The following ESRRG variants were observed in gnomAD, a reference collection of about 807,000 sequenced individuals.
ESRRG encodes estrogen-related receptor gamma.
Under a neutral mutation model 44.0 loss-of-function variants are expected in ESRRG, and 13 were observed. The ratio of observed to expected loss-of-function variants is 0.30; its 90% CI spans 0.19 to 0.47. The LOEUF (loss-of-function observed/expected upper bound fraction) is 0.47, where lower values mean the gene tolerates loss of function less well. Among genes scored for constraint, ESRRG ranks in the 20% least tolerant of loss-of-function variants. ESRRG has a pLI of 1.00. For synonymous variants in ESRRG, 215 were observed against 214.6 expected (o/e 1.00, Z -0.02); for missense variants, 395 against 580.6 (o/e 0.68, Z 3.29).
At chr1:216,924,399 A>G (rs906600246) in intron 2 of ESRRG, among the ~76,000 whole-genome samples, 3 of 152,280 alleles carry the variant, frequency 2.0e-5, no homozygotes, top group South Asian at 2.1e-4. Context: ...TGACAAGCAC[A>G]TCAGGCTGCC....
At chr1:217,135,061 G>T (rs1385171639) in intron 1 of ESRRG, among the ~76,000 whole-genome samples, 3 of 152,188 alleles carry the variant, frequency 2.0e-5, no homozygotes, top group Admixed American at 1.3e-4. Context: ...GATTAAGAGA[G>T]ATCTGTCCCC....
intron 5 of ESRRG, among the ~76,000 whole-genome samples, chr1:216,538,189 T>G (rs578162207): frequency 6.6e-6 from 1 of 152,208 alleles, no homozygotes; most frequent in Non-Finnish European, 1.5e-5. Flanking sequence ...TCTTCTATGA[T>G]ATCAAAATGT....
At chr1:216,658,746 T>A (rs1006666982) in intron 2 of ESRRG, among the ~76,000 whole-genome samples, 6 of 150,850 alleles carry the variant, frequency 4.0e-5, no homozygotes, top group Admixed American at 1.3e-4. Context: ...GGCAGGAGAA[T>A]CACTTGAACC....
At chr1:217,121,525 A>T (rs911565370) in intron 1 of ESRRG, among the ~76,000 whole-genome samples, 1 of 152,176 alleles carries the variant, frequency 6.6e-6, no homozygotes, top group African/African-American at 2.4e-5. Context: ...ATGAGGCATG[A>T]ACTGAGATAA....
intron 1 of ESRRG, among the ~76,000 whole-genome samples, chr1:217,117,467 C>A (rs937870651): frequency 6.6e-6 from 1 of 151,970 alleles, no homozygotes; most frequent in Admixed American, 6.6e-5. Flanking sequence ...TGCCTGTAGT[C>A]CCAGGTACTC....
intron 1 of ESRRG, among the ~76,000 whole-genome samples, chr1:216,703,521 A>G (rs985914844): frequency 6.6e-6 from 1 of 152,184 alleles, no homozygotes; most frequent in African/African-American, 2.4e-5. Flanking sequence ...GATTTTCAGG[A>G]AAAGGTAATT....
chr1:216,718,870 C>T (rs1042354748), intron 1 of ESRRG, among the ~76,000 whole-genome samples: 1 of 151,974 alleles, frequency 6.6e-6, no homozygotes, highest in African/African-American at 2.4e-5. Flanking sequence ...ACTGAGATCC[C>T]TCAGATCCTC....
chr1:216,554,670 G>C (rs1324117316), intron 5 of ESRRG, among the ~76,000 whole-genome samples: 2 of 152,008 alleles, frequency 1.3e-5, no homozygotes, highest in African/African-American at 2.4e-5. Context: ...CCATTAATAT[G>C]GATAGTTGGG....
chr1:216,576,929 A>T (rs1163127444), intron 3 of ESRRG, among the ~76,000 whole-genome samples: 1 of 152,024 alleles, frequency 6.6e-6, no homozygotes, highest in Non-Finnish European at 1.5e-5. Flanking sequence ...TGAGCCTTAC[A>T]ATACCCAATA....
intron 5 of ESRRG, among the ~76,000 whole-genome samples, chr1:216,551,757 T>C (rs1572817263): frequency 6.6e-6 from 1 of 152,306 alleles, no homozygotes; most frequent in South Asian, 2.1e-4. Context: ...TTCTATTTTG[T>C]GCAGAGAGAT....
rs552606389 is a variant in ESRRG at position 217,003,869 on chromosome 1, T to C, written c.-105-64196A>G. On this transcript the variant is annotated intron_variant, in intron 1 of 7. Coordinates refer to the ESRRG transcript ENST00000359162. Reference sequence around the variant, plus strand: ...GATGACATATGGGTACATACATGGATGGACCAAAAAAATAAAAAAAAAAGA... The same window carrying C: ...GATGACATATGGGTACATACATGGACGGACCAAAAAAATAAAAAAAAAAGA... 1.8e-4 allele frequency among the ~76,000 whole-genome samples: 27 copies of C among 151,562 alleles called. No homozygotes were observed. The South Asian group carries it at 5.6e-3, about 32-fold the overall frequency.
At chr1:216,591,173 C>A (rs1410032764) in intron 3 of ESRRG, among the ~76,000 whole-genome samples, 2 of 152,148 alleles carry the variant, frequency 1.3e-5, no homozygotes, top group Non-Finnish European at 2.9e-5. Context: ...GAACTTTCAG[C>A]CACACTCCCA....
intron 1 of ESRRG, among the ~76,000 whole-genome samples, chr1:217,002,861 CT>C (rs918683865): frequency 6.6e-6 from 1 of 152,142 alleles, no homozygotes; most frequent in Non-Finnish European, 1.5e-5. Flanking sequence ...CTGCAACCCC[CT>C]GGTGACATGC....
intron 3 of ESRRG, among the ~76,000 whole-genome samples, chr1:216,584,585 A>G (rs1357682414): frequency 6.6e-6 from 1 of 152,154 alleles, no homozygotes; most frequent in Non-Finnish European, 1.5e-5. Context: ...ATGGGAAAAA[A>G]CATAATACAT....
chr1:216,594,273 G>A (rs138529427), intron 3 of ESRRG, among the ~76,000 whole-genome samples: 2 of 152,050 alleles, frequency 1.3e-5, no homozygotes, highest in South Asian at 2.1e-4. Context: ...AAACATGTTC[G>A]TTATTGTTAG....
chr1:216,881,367 G>A (rs2096444409), intron 2 of ESRRG, among the ~76,000 whole-genome samples: 1 of 152,064 alleles, frequency 6.6e-6, no homozygotes, highest in South Asian at 2.1e-4. Context: ...CAATAACAAT[G>A]GAAAGTCATT....
At chr1:216,643,249 T>C (rs539843568) in intron 3 of ESRRG, among the ~76,000 whole-genome samples, 2 of 152,206 alleles carry the variant, frequency 1.3e-5, no homozygotes, top group Non-Finnish European at 2.9e-5. Flanking sequence ...TGTGTGTATA[T>C]GTAGACATGC....
At chr1:217,104,046 C>T (rs1301308266) in intron 1 of ESRRG, among the ~76,000 whole-genome samples, 1 of 152,284 alleles carries the variant, frequency 6.6e-6, no homozygotes, top group East Asian at 1.9e-4. Flanking sequence ...CATAAAGATA[C>T]GTAACTATTC....
At chr1:217,008,936 G>C (rs2078147164) in intron 1 of ESRRG, among the ~76,000 whole-genome samples, 1 of 152,134 alleles carries the variant, frequency 6.6e-6, no homozygotes, top group Admixed American at 6.6e-5. Flanking sequence ...ACTTTAATCA[G>C]AGATTTTAGT....
Sources: allele counts gnomAD v4.1 joint callset (sites outside exome capture counted in the v4.1 genomes callset), GRCh38; gene constraint gnomAD v4.1.1; transcripts MANE v1.5; gene names NCBI Gene and HGNC (gene_info 2026-07-23, HGNC 2026-07-21).